Variants in STRN observed in about 807,000 individuals in gnomAD.
STRN encodes the protein protein phosphatase 2 regulatory subunit B'''alpha.
Under a neutral mutation model 96.3 loss-of-function variants are expected in STRN, and 53 were observed. The observed-to-expected ratio is 0.55, with a 90% CI of 0.44 to 0.69. STRN has a LOEUF of 0.69. STRN is among the 30% of genes least tolerant of loss of function. The pLI is 0.00. For synonymous variants in STRN, 428 were observed against 355.9 expected (o/e 1.20, Z -2.28); for missense variants, 987 against 963.9 (o/e 1.02, Z -0.32).
At chr2:36,907,335 G>A (rs1669847838) in intron 3 of STRN, among the ~76,000 whole-genome samples, 1 of 152,274 alleles carries the variant, frequency 6.6e-6, no homozygotes, top group Admixed American at 6.5e-5. Context: ...GGATCACAAG[G>A]TCAGGAGACA....
intron 4 of STRN, among the ~76,000 whole-genome samples, chr2:36,903,301 G>A (rs1365744402): frequency 6.6e-6 from 1 of 152,214 alleles, no homozygotes; most frequent in East Asian, 1.9e-4. Context: ...ACACATGTGT[G>A]TGTATGTTAC....
intron 1 of STRN, among the ~76,000 whole-genome samples, chr2:36,957,744 CTTTTTTTTTT>C (rs1159531782): frequency 0.019 from 1,666 of 89,110 alleles, 29 homozygotes; most frequent in African/African-American, 0.071. Flanking sequence ...TTCTTTTTGT[CTTTTTTTTTT>C]TTTTTTTTTT....
At chr2:36,864,382 C>T (rs747932514) in intron 12 of STRN, among the ~76,000 whole-genome samples, 19 of 152,122 alleles carry the variant, frequency 1.2e-4, no homozygotes, top group East Asian at 1.9e-4. Context: ...TGAATTTTAT[C>T]GAAAGCCTTT....
At chr2:36,866,487 TG>T (rs1572632434) in intron 12 of STRN, among the ~76,000 whole-genome samples, 1 of 152,242 alleles carries the variant, frequency 6.6e-6, no homozygotes, top group African/African-American at 2.4e-5. Context: ...ATATGTGCCA[TG>T]TACAAATGAG....
At chr2:36,905,519 G>A (rs767561917) in intron 4 of STRN, 21 bp downstream of exon 4, 2 of 1,608,540 alleles carry the variant, frequency 1.2e-6, no homozygotes, top group South Asian at 2.2e-5. Context: ...CCATTTATAA[G>A]TTTCACCATG....
At chr2:36,904,385 T>C (rs1452733830) in intron 4 of STRN, among the ~76,000 whole-genome samples, 3 of 152,220 alleles carry the variant, frequency 2.0e-5, no homozygotes, top group African/African-American at 7.2e-5. Context: ...ACATTTCATT[T>C]TACTGAGGCA....
intron 9 of STRN, among the ~76,000 whole-genome samples, chr2:36,879,754 T>A (rs1669018760): frequency 6.6e-6 from 1 of 152,176 alleles, no homozygotes; most frequent in Non-Finnish European, 1.5e-5. Flanking sequence ...AAGAAACAAG[T>A]CAACTGTATT....
intron 6 of STRN, among the ~76,000 whole-genome samples, chr2:36,895,141 C>G (rs529280118): frequency 1.9e-3 from 283 of 152,154 alleles, no homozygotes; most frequent in African/African-American, 6.5e-3. Flanking sequence ...TCCTGGCTAA[C>G]ACGGTGAAAC....
chr2:36,963,356 G>A (rs1324810063), intron 1 of STRN, among the ~76,000 whole-genome samples: 1 of 152,130 alleles, frequency 6.6e-6, no homozygotes, highest in South Asian at 2.1e-4. Flanking sequence ...GGCTTAGGAA[G>A]AGATTTAAAA....
intron 4 of STRN, among the ~76,000 whole-genome samples, chr2:36,905,149 AG>A (rs1473782431): frequency 6.6e-6 from 1 of 152,022 alleles, no homozygotes; most frequent in African/African-American, 2.4e-5. Flanking sequence ...TTGTGTTTTT[AG>A]TAGAGATGGA....
intron 10 of STRN, among the ~76,000 whole-genome samples, chr2:36,871,592 C>G (rs1668764249): frequency 6.6e-6 from 1 of 152,126 alleles, no homozygotes; most frequent in Admixed American, 6.5e-5. Flanking sequence ...TGGAGAAATA[C>G]TACTTATTTA....
chr2:36,883,312 C>G lies in STRN; in HGVS notation c.1186+620G>C, dbSNP rs1385657764. Among the ~76,000 whole-genome samples the G allele has an allele frequency of 3.3e-5, 5 of 152,224 alleles. No homozygotes were observed. In the South Asian group the frequency reaches 1.0e-3, roughly 32 times the overall value. The stretch of plus-strand genomic sequence containing the variant: ...TCTACTAAAAATACAAAAAAATTAG[C>G]TAGGCTTGGCGGCAGGTGCCTGTAA... On this transcript the variant is annotated intron_variant, in intron 9 of 17. Transcript: ENST00000263918.
At chr2:36,933,331 C>T (rs1161460272) in intron 1 of STRN, among the ~76,000 whole-genome samples, 3 of 152,020 alleles carry the variant, frequency 2.0e-5, no homozygotes, top group African/African-American at 7.2e-5. Flanking sequence ...CTTGAGCATC[C>T]ACAGTTTTTT....
intron 8 of STRN, among the ~76,000 whole-genome samples, chr2:36,885,215 C>T (rs2540919): frequency 0.85 from 129,082 of 152,142 alleles, 56,925 homozygotes; most frequent in Non-Finnish European, 0.96. Flanking sequence ...AACTGAATAA[C>T]CAATGGAAAA....
chr2:36,869,734 T>G lies in STRN; in HGVS notation c.1324-5A>C, dbSNP rs763901926. On this transcript the variant is annotated splice_polypyrimidine_tract_variant and splice_region_variant and intron_variant, in intron 10 of 17. Transcript: ENST00000263918. ...TGCATCTTTATTGTTTGCTATCTAT[T>G]AAAGAAACAAAACAAAGATATCTAC... 4 of 1,574,374 alleles carry G rather than the reference T, an allele frequency of 2.5e-6. No individual in the cohort carries two copies. Among genetic ancestry groups the G allele is most frequent in the Non-Finnish European group, 3.4e-6 (4 of 1,162,158 alleles).
At chr2:36,850,954 T>G (rs201262982) in intron 16 of STRN, 46 bp downstream of exon 16, 3 of 1,473,642 alleles carry the variant, frequency 2.0e-6, no homozygotes, top group African/African-American at 3.0e-5. Context: ...TGGTAGGGAT[T>G]TTTTTTTTTT....
In STRN at chr2:36,877,908, C is replaced by T; in HGVS notation, c.1306G>A (p.Asp436Asn). The part of the protein sequence containing the change: ...LAGLTVANEA[D>N]SLTYDIANNK... ...CTACTTACATCATAAGTTAGTGAGT[C>T]TGCTTCATTGGCCACCGTAAGGCCT... is the stretch of plus-strand genomic sequence containing the variant. The change falls in exon 10 of 18, where the codon GAC (aspartate) becomes AAC (asparagine). Residue 436 changes from aspartate (D) to asparagine (N), a missense_variant. By Grantham distance (23) the Asp-to-Asn change is conservative. Transcript: ENST00000263918. The T allele has an allele frequency of 1.2e-6, 2 of 1,614,170 alleles. No individual in the cohort carries two copies. The highest frequency in any genetic ancestry group is 1.7e-6 in the Non-Finnish European group (2 of 1,180,012).
chr2:36,910,173 CAAAAAAAAAAA>C (rs146718686), intron 3 of STRN, among the ~76,000 whole-genome samples: 48,671 of 113,178 alleles, frequency 0.43, 8,566 homozygotes, highest in Middle Eastern at 0.5. Context: ...GACTTTGTCT[CAAAAAAAAAAA>C]AAAAAAAAGA....
At chr2:36,905,705 A>G in intron 3 of STRN, 87 bp from the exon 4 acceptor site, 1 of 1,163,076 alleles carries the variant, frequency 8.6e-7, no homozygotes, top group Non-Finnish European at 1.3e-6. Context: ...ATAAACATTT[A>G]TAAGATTAAG....
Sources: gnomAD v4.1 joint callset for allele counts (sites outside exome capture counted in the v4.1 genomes callset) on GRCh38, gnomAD v4.1.1 for gene constraint, MANE v1.5 for transcripts, NCBI Gene and HGNC (gene_info 2026-07-23, HGNC 2026-07-21) for gene names.